The following ZNF257 variants were observed in gnomAD, a reference collection of about 807,000 sequenced individuals.
The protein encoded by ZNF257 is bone marrow zinc finger 4.
A neutral mutation model predicts 11.9 loss-of-function variants in ZNF257; 12 were observed. The observed-to-expected ratio is 1.01, with a 90% CI of 0.65 to 1.63. The LOEUF (loss-of-function observed/expected upper bound fraction) is 1.63, where lower values mean the gene tolerates loss of function less well. ZNF257 is among the 40% of genes most tolerant of loss of function. The pLI, the probability that ZNF257 is intolerant of heterozygous loss-of-function variation, is 0.00. For synonymous variants in ZNF257, 183 were observed against 222.7 expected (o/e 0.82, Z 1.59); for missense variants, 580 against 665.5 (o/e 0.87, Z 1.41).
intron 1 of ZNF257, among the ~76,000 whole-genome samples, chr19:22,057,430 G>C (rs1402999266): frequency 6.6e-6 from 1 of 152,126 alleles, no homozygotes; most frequent in Non-Finnish European, 1.5e-5. Flanking sequence ...CATGGAAGAA[G>C]CCTTTATCCT....
Position 22,088,378 on chromosome 19 carries a change from T to TTTAACC in ZNF257, c.629_634dup (p.Asn211_Gln212insLeuAsn). On this transcript the variant is annotated inframe_insertion, in exon 4 of 4. Coordinates refer to ENST00000594947, the MANE Select transcript of ZNF257 (RefSeq NM_033468.4). ...CAAATGTGAAGAATGTGGCAAAGCCTTTAACCAGTCCTCAGCTCTTACTCG... is the reference window on the plus strand; with the variant it reads ...CAAATGTGAAGAATGTGGCAAAGCCTTTAACCTTAACCAGTCCTCAGCTCTTACTCG... 1 of 1,613,832 alleles carries TTTAACC rather than the reference T, an allele frequency of 6.2e-7. No individual in the cohort carries two copies. The highest frequency in any genetic ancestry group is 1.1e-5 in the South Asian group (1 of 91,068).
In ZNF257 at chr19:22,088,318, C is replaced by T. The variant is rs370024258; in HGVS notation, c.568C>T (p.Arg190Ter). 4.3e-6 allele frequency: 7 copies of T among 1,613,306 alleles called. No homozygotes were observed. The highest frequency in any genetic ancestry group is 1.3e-5 in the African/African-American group (1 of 74,838). The change falls in exon 4 of 4, where the codon CGA (arginine) becomes TGA (stop). Residue 190 changes from arginine (R) to a stop codon, truncating the protein, a stop_gained. Transcript: ENST00000594947. LOFTEE classifies it low-confidence loss of function (END_TRUNC). ...ATTTTGCATGCTTTCACAACTAACTCGACATAAGAGAATTCATATTAGAGA... is the reference window on the plus strand; with the variant it reads ...ATTTTGCATGCTTTCACAACTAACTTGACATAAGAGAATTCATATTAGAGA... Reference protein sequence around the residue: ...KSFCMLSQLTRHKRIHIRENS... With the variant: ...KSFCMLSQLT
Position 22,089,253 on chromosome 19 carries a change from C to A in ZNF257, c.1503C>A (p.His501Gln). 6.2e-7 allele frequency: 1 copy of A among 1,613,754 alleles called. No homozygotes were observed. Among genetic ancestry groups the A allele is most frequent in the Non-Finnish European group, 8.5e-7 (1 of 1,179,828 alleles). The change falls in exon 4 of 4, where the codon CAC (histidine) becomes CAA (glutamine). Residue 501 changes from histidine to glutamine, a missense_variant. His to Gln is a conservative substitution (Grantham distance 24, BLOSUM62 0). Coordinates refer to ENST00000594947, the MANE Select transcript of ZNF257 (RefSeq NM_033468.4). ...ECGKAFNRSS[H>Q]LSQHKIIHTG... ...GCAAAGCCTTTAACCGGTCTTCACA[C>A]CTTTCTCAACATAAGATAATTCATA...
chr19:22,087,652 T>G (rs2022504121), intron 3 of ZNF257: 1 of 995,460 alleles, frequency 1.0e-6, no homozygotes, highest in Non-Finnish European at 1.3e-6. Flanking sequence ...GGCAATTTAC[T>G]TCTAAGGGCA....
rs150169628 is a variant in ZNF257 at position 22,087,171 on chromosome 19, T to G, written c.227-806T>G. Among the ~76,000 whole-genome samples the G allele has an allele frequency of 8.6e-5, 13 of 151,896 alleles. No individual in the cohort carries two copies. The East Asian group carries it at 2.5e-3, about 29-fold the overall frequency. ...GCTTTCTGAAAATTTCATGATTTGTTTGATGGGGCCATGTTGCCCTAATAT... is the reference window on the plus strand; with the variant it reads ...GCTTTCTGAAAATTTCATGATTTGTGTGATGGGGCCATGTTGCCCTAATAT... On this transcript the variant is annotated intron_variant, in intron 3 of 3. Coordinates refer to ENST00000594947, the MANE Select transcript of ZNF257 (RefSeq NM_033468.4).
chr19:22,073,615 C>G, intron 3 of ZNF257, 51 bp downstream of exon 3: 1 of 1,575,568 alleles, frequency 6.3e-7, no homozygotes, highest in Non-Finnish European at 8.6e-7. Context: ...GAGAGATCCA[C>G]AGGTCAAGGA....
chr19:22,085,929 G>C (rs2022467351), intron 3 of ZNF257, among the ~76,000 whole-genome samples: 1 of 151,974 alleles, frequency 6.6e-6, no homozygotes, highest in African/African-American at 2.4e-5. Flanking sequence ...CCACTTTCAG[G>C]CTTTTTTAAT....
At chr19:22,073,646 T>C in intron 3 of ZNF257, 82 bp downstream of exon 3, 1 of 1,491,738 alleles carries the variant, frequency 6.7e-7, no homozygotes, top group Non-Finnish European at 9.0e-7. Flanking sequence ...CCTTAAAATG[T>C]CATTTCGGAA....
intron 3 of ZNF257, among the ~76,000 whole-genome samples, chr19:22,083,867 T>A (rs2116895): frequency 2.6e-5 from 4 of 152,040 alleles, no homozygotes; most frequent in African/African-American, 9.7e-5. Flanking sequence ...TGGTCCGGTG[T>A]GGTAGCTCAC....
intron 3 of ZNF257, among the ~76,000 whole-genome samples, 185 bp from the exon 4 acceptor site, chr19:22,087,787 ATTTTC>A (rs2022508816): frequency 2.0e-5 from 3 of 151,922 alleles, no homozygotes; most frequent in African/African-American, 7.2e-5. Context: ...TCATTTATAA[ATTTTC>A]CAAAAATGTG....
At chr19:22,067,290 G>A (rs1568482979) in intron 1 of ZNF257, among the ~76,000 whole-genome samples, 1 of 152,068 alleles carries the variant, frequency 6.6e-6, no homozygotes, top group African/African-American at 2.4e-5. Context: ...AGAACATGGA[G>A]CTCAGAAACC....
chr19:22,055,082 A>G (rs1024870155), intron 1 of ZNF257, among the ~76,000 whole-genome samples: 3 of 152,178 alleles, frequency 2.0e-5, no homozygotes, highest in Non-Finnish European at 4.4e-5. Context: ...TCTTAGAGAC[A>G]CATTGCTGTT....
At position 22,069,707 on chromosome 19, in the gene ZNF257, ATTTCT is replaced by A. The variant is rs577092360; in HGVS notation, c.4-3098_4-3094del. Reference sequence around the variant, plus strand: ...GGACAGAAGAATTGTTATTATTTTTATTTCTTTTATTTTGCTAAGAATACTTATTT... The same window carrying A: ...GGACAGAAGAATTGTTATTATTTTTATTTATTTTGCTAAGAATACTTATTT... On this transcript the variant is annotated intron_variant, in intron 1 of 3. Coordinates refer to ENST00000594947, the MANE Select transcript of ZNF257 (RefSeq NM_033468.4). Among the ~76,000 whole-genome samples, 274 of 152,306 alleles carry A rather than the reference ATTTCT, an allele frequency of 1.8e-3. 1 individual carries two copies. Among genetic ancestry groups the A allele is most frequent in the African/African-American group, 6.1e-3 (252 of 41,564 alleles).
chr19:22,070,809 CT>C (rs1001197995), intron 1 of ZNF257, among the ~76,000 whole-genome samples: 1 of 151,902 alleles, frequency 6.6e-6, no homozygotes, highest in Non-Finnish European at 1.5e-5. Flanking sequence ...ATTTTGGACC[CT>C]TTTCAAACCT....
At chr19:22,085,271 G>T (rs2022451050) in intron 3 of ZNF257, among the ~76,000 whole-genome samples, 1 of 151,798 alleles carries the variant, frequency 6.6e-6, no homozygotes, top group Admixed American at 6.6e-5. Flanking sequence ...GTATTTTCAT[G>T]TTGGCCAGGC....
intron 1 of ZNF257, among the ~76,000 whole-genome samples, chr19:22,067,512 C>CT (rs2021984196): frequency 6.6e-6 from 1 of 151,938 alleles, no homozygotes; most frequent in Admixed American, 6.6e-5. Flanking sequence ...AATACAAGTC[C>CT]TTTTAGTTGT....
chr19:22,062,389 G>A (rs62110980), intron 1 of ZNF257, among the ~76,000 whole-genome samples: 19,373 of 151,584 alleles, frequency 0.13, 1,450 homozygotes, highest in Middle Eastern at 0.2. Flanking sequence ...CTCCCAAAGT[G>A]CTGGGATTAC....
chr19:22,085,994 G>GT (rs2022468588), intron 3 of ZNF257, among the ~76,000 whole-genome samples: 1 of 152,010 alleles, frequency 6.6e-6, no homozygotes, highest in South Asian at 2.1e-4. Context: ...GAGTTTTAAT[G>GT]TTTTTTAATG....
intron 3 of ZNF257, among the ~76,000 whole-genome samples, chr19:22,074,190 T>C (rs1568485574): frequency 6.6e-6 from 1 of 152,112 alleles, no homozygotes; most frequent in East Asian, 1.9e-4. Context: ...AGGGAGCTTA[T>C]TGAACCTATA....
Sources: allele counts gnomAD v4.1 joint callset (sites outside exome capture counted in the v4.1 genomes callset), GRCh38; gene constraint gnomAD v4.1.1; transcripts MANE v1.5; gene names NCBI Gene and HGNC (gene_info 2026-07-23, HGNC 2026-07-21).